Variants in CCDC169 observed in about 807,000 individuals in gnomAD.
The protein encoded by CCDC169 is coiled-coil domain containing 169.
A neutral mutation model predicts 36.0 loss-of-function variants in CCDC169; 30 were observed. The observed-to-expected ratio is 0.83, with a 90% CI of 0.62 to 1.13. The LOEUF is 1.13. CCDC169 is among the 50% of genes most tolerant of loss of function. The pLI, the probability that CCDC169 is intolerant of heterozygous loss-of-function variation, is 0.00. For synonymous variants in CCDC169, 85 were observed against 81.5 expected, an observed-to-expected ratio of 1.04 and a Z score of -0.23; for missense variants, 245 against 245.9, an observed-to-expected ratio of 1.00 and a Z score of 0.03.
intron 4 of CCDC169, among the ~76,000 whole-genome samples, chr13:36,256,389 C>A (rs1307659950): frequency 6.6e-6 from 1 of 152,138 alleles, no homozygotes; most frequent in Non-Finnish European, 1.5e-5. Flanking sequence ...GAAGGCACCT[C>A]TTCACAGGAC....
At chr13:36,261,412 A>G (rs1459992627) in intron 4 of CCDC169, among the ~76,000 whole-genome samples, 7 of 152,230 alleles carry the variant, frequency 4.6e-5, no homozygotes, top group Non-Finnish European at 8.8e-5. Flanking sequence ...GATGCCTTCC[A>G]ACCTCAAAAG....
chr13:36,241,762 G>A (rs961642895), intron 7 of CCDC169, among the ~76,000 whole-genome samples: 1 of 152,102 alleles, frequency 6.6e-6, no homozygotes, highest in Admixed American at 6.5e-5. Context: ...TATAGAGAAG[G>A]TATATGATCA....
At chr13:36,228,859 T>G (rs1951079239), downstream of CCDC169, among the ~76,000 whole-genome samples, 1 of 152,224 alleles carries the variant, frequency 6.6e-6, no homozygotes, top group Non-Finnish European at 1.5e-5. Flanking sequence ...AATTGCATTT[T>G]CTTTATGACA....
intron 4 of CCDC169, among the ~76,000 whole-genome samples, chr13:36,266,957 C>T (rs1875394429): frequency 6.6e-6 from 1 of 152,120 alleles, no homozygotes; most frequent in Admixed American, 6.5e-5. Context: ...GAGAAGCAGA[C>T]ACTAAGATGG....
At chr13:36,274,868 A>ATTTT (rs3083971) in intron 4 of CCDC169, among the ~76,000 whole-genome samples, 25,339 of 118,182 alleles carry the variant, frequency 0.21, 3,172 homozygotes, top group East Asian at 0.43. Context: ...CATTAGCTGC[A>ATTTT]TTTTTTTTTT....
intron 4 of CCDC169, among the ~76,000 whole-genome samples, chr13:36,266,854 C>T (rs547198546): frequency 8.0e-4 from 122 of 152,328 alleles, no homozygotes; most frequent in South Asian, 3.1e-3. Flanking sequence ...CCAATCAGAA[C>T]AGATCCTGCT....
intron 7 of CCDC169, among the ~76,000 whole-genome samples, chr13:36,241,394 A>C (rs960488187): frequency 1.6e-4 from 25 of 152,126 alleles, no homozygotes; most frequent in African/African-American, 5.8e-4. Context: ...CACAATTATT[A>C]TTCACTTCTT....
chr13:36,227,384 G>C, downstream of CCDC169: 1 of 1,541,712 alleles, frequency 6.5e-7, no homozygotes, highest in Non-Finnish European at 8.8e-7. Context: ...AGAGGAGGCT[G>C]TTTGAAGAGA....
chr13:36,289,577 T>C (rs1051343906), intron 2 of CCDC169, among the ~76,000 whole-genome samples: 5 of 152,242 alleles, frequency 3.3e-5, no homozygotes, highest in South Asian at 2.1e-4. Flanking sequence ...GTTGTCTAAA[T>C]AGGCTTCCTA....
intron 7 of CCDC169, among the ~76,000 whole-genome samples, chr13:36,236,592 G>A (rs571791818): frequency 6.6e-6 from 1 of 152,084 alleles, no homozygotes; most frequent in Admixed American, 6.5e-5. Context: ...TAACACACAA[G>A]CAAGCAAGAA....
intron 4 of CCDC169, among the ~76,000 whole-genome samples, chr13:36,276,711 G>C (rs1876872756): frequency 1.3e-5 from 2 of 152,192 alleles, no homozygotes; most frequent in African/African-American, 4.8e-5. Context: ...GACTCTGAAT[G>C]AGTCAAGGAA....
chr13:36,233,925 T>C (rs1004462944), intron 7 of CCDC169, among the ~76,000 whole-genome samples: 1 of 152,220 alleles, frequency 6.6e-6, no homozygotes, highest in Non-Finnish European at 1.5e-5. Flanking sequence ...TCTCCACTAA[T>C]GCAACTGTGC....
At chr13:36,229,925 G>A (rs923199546), downstream of CCDC169, among the ~76,000 whole-genome samples, 1 of 152,090 alleles carries the variant, frequency 6.6e-6, no homozygotes, top group Non-Finnish European at 1.5e-5. Flanking sequence ...TTTGTCTAAT[G>A]ATATGGGTCA....
chr13:36,236,165 A>G (rs1049398923), intron 7 of CCDC169, among the ~76,000 whole-genome samples: 1 of 151,806 alleles, frequency 6.6e-6, no homozygotes, highest in Non-Finnish European at 1.5e-5. Flanking sequence ...CTAAATCCAC[A>G]TGGAAATAAA....
downstream of CCDC169, among the ~76,000 whole-genome samples, chr13:36,227,555 C>G (rs1869988270): frequency 2.0e-5 from 3 of 151,988 alleles, 1 homozygote; most frequent in Non-Finnish European, 4.4e-5. Flanking sequence ...TGATGATGCA[C>G]TTTTGTATTT....
At chr13:36,272,748 T>C (rs1351221875) in intron 4 of CCDC169, among the ~76,000 whole-genome samples, 3 of 152,184 alleles carry the variant, frequency 2.0e-5, no homozygotes, top group African/African-American at 7.2e-5. Flanking sequence ...CCATCATTCT[T>C]AGACCTCTAT....
chr13:36,234,915 G>A (rs889137455), intron 7 of CCDC169, among the ~76,000 whole-genome samples: 1 of 151,900 alleles, frequency 6.6e-6, no homozygotes, highest in African/African-American at 2.4e-5. Flanking sequence ...TAACTACATA[G>A]GTAAACATAA....
chr13:36,257,424 G>A (rs767730750), intron 4 of CCDC169, among the ~76,000 whole-genome samples: 4 of 152,148 alleles, frequency 2.6e-5, no homozygotes, highest in Admixed American at 6.5e-5. Context: ...TCTGTCTACC[G>A]GCTGGGCGTG....
chr13:36,294,743 G>C (rs1879273747), intron 2 of CCDC169, among the ~76,000 whole-genome samples: 1 of 152,126 alleles, frequency 6.6e-6, no homozygotes, highest in African/African-American at 2.4e-5. Flanking sequence ...GTCTGCATGA[G>C]AGGGTTGAGA....
Sources: allele counts gnomAD v4.1 joint callset (sites outside exome capture counted in the v4.1 genomes callset), GRCh38; gene constraint gnomAD v4.1.1; transcripts MANE v1.5; gene names NCBI Gene and HGNC (gene_info 2026-07-23, HGNC 2026-07-21).